Variants in RERG observed in about 807,000 individuals in gnomAD.
The protein encoded by RERG is RAS like estrogen regulated growth inhibitor.
A neutral mutation model predicts 23.2 loss-of-function variants in RERG; 25 were observed. The observed-to-expected ratio is 1.08, with a 90% confidence interval of 0.79 to 1.50. The LOEUF is 1.50. Among genes scored for constraint, RERG ranks in the 40% most tolerant of loss-of-function variants. RERG has a pLI of 0.00. For missense variants in RERG, 253 were observed against 250.1 expected, an observed-to-expected ratio of 1.01 and a Z score of -0.08; for synonymous variants, 81 against 89.1, an observed-to-expected ratio of 0.91 and a Z score of 0.51.
At chr12:15,157,734 T>G (rs747579245) in intron 2 of RERG, among the ~76,000 whole-genome samples, 2 of 152,230 alleles carry the variant, frequency 1.3e-5, no homozygotes, top group Admixed American at 6.5e-5. Flanking sequence ...CACAGTACAA[T>G]GTAAATGACT....
intron 2 of RERG, among the ~76,000 whole-genome samples, chr12:15,149,597 T>C (rs538828098): frequency 1.3e-5 from 2 of 152,300 alleles, no homozygotes; most frequent in South Asian, 4.1e-4. Context: ...GCTACTTCTA[T>C]AGAAGAGGGT....
At chr12:15,209,595 G>A (rs1232481746) in intron 2 of RERG, among the ~76,000 whole-genome samples, 2 of 152,002 alleles carry the variant, frequency 1.3e-5, no homozygotes, top group African/African-American at 4.8e-5. Flanking sequence ...AAGTTGCTGA[G>A]AATTTTGGCT....
intron 2 of RERG, among the ~76,000 whole-genome samples, chr12:15,154,655 C>T (rs893929283): frequency 3.3e-5 from 5 of 152,142 alleles, no homozygotes; most frequent in African/African-American, 1.2e-4. Flanking sequence ...TCTTCTGGTG[C>T]GTACATTATG....
intron 2 of RERG, among the ~76,000 whole-genome samples, chr12:15,171,853 T>C (rs1864782738): frequency 6.6e-6 from 1 of 152,218 alleles, no homozygotes; most frequent in Non-Finnish European, 1.5e-5. Context: ...ACGAGAATCA[T>C]ACTAATAGTT....
intron 2 of RERG, among the ~76,000 whole-genome samples, chr12:15,215,888 T>A (rs1183236929): frequency 6.6e-6 from 1 of 152,226 alleles, no homozygotes. Flanking sequence ...CACGTACAGC[T>A]ACGTGGTTCT....
chr12:15,171,585 A>T (rs1179986239), intron 2 of RERG, among the ~76,000 whole-genome samples: 1 of 152,188 alleles, frequency 6.6e-6, no homozygotes, highest in African/African-American at 2.4e-5. Context: ...GTCATGAGTC[A>T]AAGTAAATAT....
chr12:15,120,506 C>A lies in RERG; in HGVS notation c.118+557G>T, dbSNP rs200570310. Among the ~76,000 whole-genome samples, 254 of 132,708 alleles carry A rather than the reference C, an allele frequency of 1.9e-3. 3 individuals are homozygous for A. The highest frequency in any genetic ancestry group is 0.016 in the Middle Eastern group (4 of 250). 87.1% of individuals were successfully genotyped at this position (132,708 alleles called of 152,430 possible). A position where few individuals can be genotyped will look rare whatever the true frequency, so the allele number is the denominator to read the frequency against. On this transcript the variant is annotated intron_variant, in intron 3 of 4. Transcript: ENST00000256953. ...CAAAACAAAGAAATTAAAAAAAAAA[C>A]CAGGAAGAGTGTTTGCCTACATTTT...
At chr12:15,181,404 T>C (rs1864920934) in intron 2 of RERG, among the ~76,000 whole-genome samples, 1 of 152,246 alleles carries the variant, frequency 6.6e-6, no homozygotes, top group Non-Finnish European at 1.5e-5. Flanking sequence ...TTCATCAAGA[T>C]TGCTAATGGC....
At chr12:15,217,193 T>TA (rs1865451010) in intron 2 of RERG, 2 of 444,012 alleles carry the variant, frequency 4.5e-6, no homozygotes, top group Admixed American at 8.1e-5. Context: ...AGACCTCTGA[T>TA]ATATCCTTTA....
chr12:15,189,181 T>C (rs759761139), intron 2 of RERG, among the ~76,000 whole-genome samples: 1 of 152,198 alleles, frequency 6.6e-6, no homozygotes, highest in South Asian at 2.1e-4. Context: ...ATGTGTCACA[T>C]GTCATTTCTT....
intron 2 of RERG, among the ~76,000 whole-genome samples, chr12:15,146,681 A>T (rs1864338142): frequency 6.6e-6 from 1 of 152,154 alleles, no homozygotes; most frequent in Admixed American, 6.5e-5. Flanking sequence ...GACTCTTTGC[A>T]TTTGCATTAG....
chr12:15,117,675 G>GCACACACACACA (rs3084648), intron 3 of RERG, among the ~76,000 whole-genome samples: 75 of 145,012 alleles, frequency 5.2e-4, no homozygotes, highest in Non-Finnish European at 1.0e-3. Context: ...TCACACACGC[G>GCACACACACACA]CACACACACA....
chr12:15,168,979 G>T (rs1195570571), intron 2 of RERG, among the ~76,000 whole-genome samples: 1 of 152,078 alleles, frequency 6.6e-6, no homozygotes, highest in Non-Finnish European at 1.5e-5. Context: ...ATACACTAAA[G>T]GTTTTTTTTT....
intron 3 of RERG, 58 bp from the exon 4 acceptor site, chr12:15,111,475 G>C: frequency 1.4e-6 from 2 of 1,382,346 alleles, no homozygotes; most frequent in Non-Finnish European, 2.1e-6. Context: ...GATTTAATTT[G>C]ATCCTTAAAA....
chr12:15,163,412 T>C (rs1333186530), intron 2 of RERG, among the ~76,000 whole-genome samples: 1 of 152,160 alleles, frequency 6.6e-6, no homozygotes, highest in East Asian at 1.9e-4. Flanking sequence ...GAACTAAGAT[T>C]CGACATGAAT....
Position 15,203,686 on chromosome 12 carries a change from ACT to A in RERG, c.61+13741_61+13742del, listed in dbSNP as rs1358394321. Among the ~76,000 whole-genome samples the A allele has an allele frequency of 1.3e-5, 2 of 151,746 alleles. 1 individual carries two copies. The highest frequency in any genetic ancestry group is 4.8e-5 in the African/African-American group (2 of 41,492). ...AAACCCTAAAGACTCCACCAAAAACACTCTTAGAACTAATAAATGAATTCAGT... is the reference window on the plus strand; with the variant it reads ...AAACCCTAAAGACTCCACCAAAAACACTTAGAACTAATAAATGAATTCAGT... On this transcript the variant is annotated intron_variant, in intron 2 of 4. Coordinates refer to ENST00000256953, the MANE Select transcript of RERG (RefSeq NM_032918.3).
At chr12:15,162,445 T>C (rs1241134112) in intron 2 of RERG, among the ~76,000 whole-genome samples, 4 of 152,176 alleles carry the variant, frequency 2.6e-5, no homozygotes, top group Non-Finnish European at 5.9e-5. Flanking sequence ...AAGAACCCCA[T>C]TAGAGTTTTC....
In RERG at chr12:15,149,771, G is replaced by C. The variant is rs113615281; in HGVS notation, c.62-28652C>G. On this transcript the variant is annotated intron_variant, in intron 2 of 4. Coordinates refer to ENST00000256953, the MANE Select transcript of RERG (RefSeq NM_032918.3). Reference sequence around the variant, plus strand: ...TTATGCCAACATGCCAATTCACATGGATACTGGATTTAGAAATGGTAGAAA... The same window carrying C: ...TTATGCCAACATGCCAATTCACATGCATACTGGATTTAGAAATGGTAGAAA... 4.6e-5 allele frequency among the ~76,000 whole-genome samples: 7 copies of C among 152,300 alleles called. 1 individual carries two copies. Among genetic ancestry groups the C allele is most frequent in the African/African-American group, 1.7e-4 (7 of 41,566 alleles).
chr12:15,217,185 A>T, intron 2 of RERG: 1 of 390,528 alleles, frequency 2.6e-6, no homozygotes, highest in Non-Finnish European at 4.6e-6. Context: ...GAATGCCAAG[A>T]CCTCTGATAT....
Sources: allele counts gnomAD v4.1 joint callset (sites outside exome capture counted in the v4.1 genomes callset), GRCh38; gene constraint gnomAD v4.1.1; transcripts MANE v1.5; gene names NCBI Gene and HGNC (gene_info 2026-07-23, HGNC 2026-07-21).